The following VPS53 variants were observed in gnomAD, a reference collection of about 807,000 sequenced individuals.
VPS53 encodes vacuolar protein sorting-associated protein 53 homolog.
In VPS53, 70 loss-of-function variants were observed where a neutral mutation model predicts 107.0. The observed-to-expected ratio is 0.65, with a 90% confidence interval of 0.54 to 0.80. The LOEUF is 0.80. Ranked by LOEUF, VPS53 falls within the 30% of genes least tolerant of loss-of-function variation. The probability of loss-of-function intolerance (pLI) is 0.00; values close to 1 mark genes in which losing one functional copy is unlikely to be tolerated. For missense variants in VPS53, 917 were observed against 1,049.4 expected (o/e 0.87, Z 1.74); for synonymous variants, 409 against 393.3 (o/e 1.04, Z -0.47).
chr17:711,121 G>A (rs1445730471), intron 1 of VPS53, among the ~76,000 whole-genome samples: 1 of 151,986 alleles, frequency 6.6e-6, no homozygotes, highest in Non-Finnish European at 1.5e-5. Flanking sequence ...GAGATGGGAG[G>A]ATCACCAGAG....
At chr17:523,135 T>C (rs772242514) in intron 19 of VPS53, 3 of 152,794 alleles carry the variant, frequency 2.0e-5, no homozygotes, top group Non-Finnish European at 2.9e-5. Flanking sequence ...CTGGGTGGTT[T>C]TGGTGACGAG....
intron 17 of VPS53, among the ~76,000 whole-genome samples, chr17:549,709 G>A (rs1174820540): frequency 1.3e-5 from 2 of 152,152 alleles, no homozygotes; most frequent in African/African-American, 4.8e-5. Context: ...AGGATGTAGA[G>A]AATGCTTACC....
Position 670,903 on chromosome 17 carries a change from C to T in VPS53, c.286-9008G>A, listed in dbSNP as rs534551619. Among the ~76,000 whole-genome samples, 15 of 152,306 alleles carry T rather than the reference C, an allele frequency of 9.8e-5. 1 individual carries two copies. Among genetic ancestry groups the T allele is most frequent in the African/African-American group, 3.6e-4 (15 of 41,566 alleles). On this transcript the variant is annotated intron_variant, in intron 4 of 21. Coordinates refer to ENST00000437048, the MANE Select transcript of VPS53 (RefSeq NM_001128159.3). The stretch of plus-strand genomic sequence containing the variant: ...CCATTTCTGTTTTCCAACTTGACAT[C>T]TATCTGCTGGTTCCCTTTTCTATTA...
At chr17:579,246 A>G (rs972390702) in intron 13 of VPS53, among the ~76,000 whole-genome samples, 2 of 150,328 alleles carry the variant, frequency 1.3e-5, no homozygotes, top group African/African-American at 4.9e-5. Context: ...GTTCCCAGAG[A>G]ACCTCCCTCA....
chr17:671,649 TAC>T (rs896551725), intron 4 of VPS53, among the ~76,000 whole-genome samples: 4 of 151,904 alleles, frequency 2.6e-5, no homozygotes, highest in African/African-American at 9.7e-5. Context: ...ACCGTGTTTC[TAC>T]AGAGTCTGCT....
At chr17:543,834 AG>A (rs1910910400) in intron 17 of VPS53, among the ~76,000 whole-genome samples, 1 of 36,240 alleles carries the variant, frequency 2.8e-5, no homozygotes, top group South Asian at 1.8e-3. Flanking sequence ...GGAGGGAGGG[AG>A]GGAGGGAGGG....
chr17:577,625 G>A lies in VPS53; in HGVS notation c.1313+8645C>T, dbSNP rs1425181586. Among the ~76,000 whole-genome samples, 6 of 148,936 alleles carry A rather than the reference G, an allele frequency of 4.0e-5. No homozygotes were observed. The East Asian group carries it at 8.0e-4, about 20-fold the overall frequency. Reference sequence around the variant, plus strand: ...AGAACTTCCTTTAGGACCTCAATGCGTTCCCAGAGAATCTCCCTCACAAAG... The same window carrying A: ...AGAACTTCCTTTAGGACCTCAATGCATTCCCAGAGAATCTCCCTCACAAAG... On this transcript the variant is annotated intron_variant, in intron 13 of 21. Coordinates refer to ENST00000437048, the MANE Select transcript of VPS53 (RefSeq NM_001128159.3).
At chr17:690,772 T>C (rs192060056) in intron 4 of VPS53, among the ~76,000 whole-genome samples, 13 of 147,606 alleles carry the variant, frequency 8.8e-5, no homozygotes, top group Admixed American at 2.0e-4. Context: ...GAACAATGTC[T>C]ACAATCAAAA....
At chr17:576,419 AG>A (rs1431918307) in intron 13 of VPS53, among the ~76,000 whole-genome samples, 3 of 151,844 alleles carry the variant, frequency 2.0e-5, no homozygotes, top group African/African-American at 7.3e-5. Context: ...AACCTCCCTC[AG>A]AACCTCAATG....
intron 13 of VPS53, among the ~76,000 whole-genome samples, chr17:572,091 A>T (rs1213959161): frequency 6.8e-6 from 1 of 146,260 alleles, no homozygotes; most frequent in Non-Finnish European, 1.5e-5. Flanking sequence ...CCCATCTAGG[A>T]AGTGAGGAGC....
intron 11 of VPS53, among the ~76,000 whole-genome samples, chr17:609,265 G>A (rs1968728148): frequency 6.6e-6 from 1 of 152,158 alleles, no homozygotes; most frequent in Non-Finnish European, 1.5e-5. Context: ...TGACATCTGT[G>A]TCTGGCTTCT....
chr17:710,542 T>C lies in VPS53; in HGVS notation c.159A>G (p.Pro53=). 1.2e-6 allele frequency: 2 copies of C among 1,613,822 alleles called. No homozygotes were observed. The highest frequency in any genetic ancestry group is 1.7e-6 in the Non-Finnish European group (2 of 1,179,866). Residue 53 remains proline, a synonymous_variant, in exon 2 of 22, where the codon CCA becomes CCG. Transcript: ENST00000437048. ...CTGAAACTCTACTTACTTGCTCGGT[T>C]GGGAACAGGGTATTGATATACTCAA... ...NAVEYINTLF[P]TEQSLANIDE...
intron 17 of VPS53, among the ~76,000 whole-genome samples, chr17:549,530 G>A (rs560246767): frequency 6.6e-6 from 1 of 152,100 alleles, no homozygotes; most frequent in South Asian, 2.1e-4. Context: ...CGAACCGACA[G>A]TTCGTATAAG....
chr17:657,990 A>G (rs112398800), intron 5 of VPS53, among the ~76,000 whole-genome samples: 77 of 119,016 alleles, frequency 6.5e-4, no homozygotes, highest in Middle Eastern at 4.9e-3. Context: ...ACATCCCACT[A>G]AAGTGAGATA....
intron 6 of VPS53, among the ~76,000 whole-genome samples, chr17:655,099 T>C (rs1336083303): frequency 2.0e-5 from 3 of 152,174 alleles, no homozygotes; most frequent in African/African-American, 7.2e-5. Context: ...TCTATGACGA[T>C]GCGCTTTCCC....
chr17:668,221 G>C (rs1206989871), intron 4 of VPS53, among the ~76,000 whole-genome samples: 2 of 152,168 alleles, frequency 1.3e-5, no homozygotes, highest in Non-Finnish European at 2.9e-5. Context: ...ATTCAGTATA[G>C]TTATTAACAG....
At chr17:666,452 T>A (rs911027493) in intron 4 of VPS53, among the ~76,000 whole-genome samples, 6 of 152,082 alleles carry the variant, frequency 3.9e-5, no homozygotes, top group African/African-American at 1.4e-4. Flanking sequence ...TGACCTGAGG[T>A]CAGGAGTTCA....
At chr17:535,591 G>A (rs1250096193) in intron 18 of VPS53, among the ~76,000 whole-genome samples, 4 of 152,144 alleles carry the variant, frequency 2.6e-5, no homozygotes, top group Non-Finnish European at 4.4e-5. Context: ...AGCTCAATGA[G>A]ACCCCGGAGC....
chr17:642,580 G>GAAAT (rs1401208715), intron 7 of VPS53, among the ~76,000 whole-genome samples: 1,989 of 149,276 alleles, frequency 0.013, 57 homozygotes, highest in East Asian at 0.053. Context: ...CTCATACTTG[G>GAAAT]CAACTGAGGA....
Sources: gnomAD v4.1 joint callset for allele counts (sites outside exome capture counted in the v4.1 genomes callset) on GRCh38, gnomAD v4.1.1 for gene constraint, MANE v1.5 for transcripts, NCBI Gene and HGNC (gene_info 2026-07-23, HGNC 2026-07-21) for gene names.